TES: variants seen among roughly 807,000 people sequenced by gnomAD.
The protein encoded by TES is testin LIM domain protein.
In TES, 41 loss-of-function variants were observed where a neutral mutation model predicts 48.2. That is an observed-to-expected ratio of 0.85 (90% confidence interval 0.66 to 1.10). TES has a LOEUF of 1.10. Ranked by LOEUF, TES falls within the 50% of genes least tolerant of loss-of-function variation. The pLI is 0.00. For synonymous variants in TES, 162 were observed against 174.9 expected, an observed-to-expected ratio of 0.93 and a Z score of 0.58; for missense variants, 463 against 515.1, an observed-to-expected ratio of 0.90 and a Z score of 0.98.
chr7:116,244,253 C>T (rs1799891596), intron 2 of TES, among the ~76,000 whole-genome samples: 1 of 152,292 alleles, frequency 6.6e-6, no homozygotes, highest in South Asian at 2.1e-4. Context: ...AGTCCAAAGT[C>T]TCATCTGAGA....
At chr7:116,226,410 C>T (rs904627260) in intron 1 of TES, among the ~76,000 whole-genome samples, 2 of 152,062 alleles carry the variant, frequency 1.3e-5, no homozygotes, top group Admixed American at 1.3e-4. Flanking sequence ...GTAGAGACAA[C>T]GACTTTGGCA....
rs373635995 is a variant in TES at position 116,214,667 on chromosome 7, A to G, written c.27+3933A>G. Among the ~76,000 whole-genome samples the G allele has an allele frequency of 1.1e-4, 17 of 152,258 alleles. No homozygotes were observed. In the East Asian group the frequency reaches 2.3e-3, roughly 21 times the overall value. On this transcript the variant is annotated intron_variant, in intron 1 of 6. Coordinates refer to ENST00000358204, the MANE Select transcript of TES (RefSeq NM_015641.4). ...TGAATATTGGTTGGAGAAAAAAACTATAGTAGGTTTTCTATTGATTCTGTT... is the reference window on the plus strand; with the variant it reads ...TGAATATTGGTTGGAGAAAAAAACTGTAGTAGGTTTTCTATTGATTCTGTT...
Position 116,258,401 on chromosome 7 carries a change from C to G in TES, c.*919C>G, listed in dbSNP as rs1471651349. The G allele has an allele frequency of 6.6e-6, 1 of 152,560 alleles. No individual in the cohort carries two copies. The highest frequency in any genetic ancestry group is 1.5e-5 in the Non-Finnish European group (1 of 68,032). The allele number at this position is 152,560 out of a possible 1,614,324, so 9.5% of individuals were successfully genotyped here. On this transcript the variant is annotated 3_prime_UTR_variant, in exon 7 of 7. Coordinates refer to ENST00000358204, the MANE Select transcript of TES (RefSeq NM_015641.4). The stretch of plus-strand genomic sequence containing the variant: ...CTGGGATTACAGGTGTGGGAGCCAC[C>G]ATGCCTGACCCACACACTTTTTACT...
chr7:116,217,806 T>G (rs1278700922), intron 1 of TES: 2 of 518,378 alleles, frequency 3.9e-6, no homozygotes, highest in Non-Finnish European at 7.7e-6. Context: ...CCAACTACAA[T>G]CTTTGACTCT....
intron 1 of TES, among the ~76,000 whole-genome samples, chr7:116,221,126 T>C (rs1799552762): frequency 6.6e-6 from 1 of 152,208 alleles, no homozygotes; most frequent in South Asian, 2.1e-4. Context: ...CTGGATTTAA[T>C]ATATCCTTTT....
chr7:116,218,649 T>C (rs1237422678), intron 1 of TES, among the ~76,000 whole-genome samples: 1 of 152,056 alleles, frequency 6.6e-6, no homozygotes, highest in African/African-American at 2.4e-5. Flanking sequence ...AAACTCCATA[T>C]CTATCAGTAT....
chr7:116,254,597 G>A (rs910453625), intron 6 of TES, among the ~76,000 whole-genome samples: 24 of 151,964 alleles, frequency 1.6e-4, no homozygotes, highest in African/African-American at 4.8e-4. Context: ...TTAGCTGGGC[G>A]TGGTGGCAGG....
rs80292838 is a variant in TES, at chr7:116,223,416, T to C, written c.28-11118T>C. Among the ~76,000 whole-genome samples the C allele has an allele frequency of 9.9e-3, 1,511 of 152,344 alleles. 27 individuals carry two copies. The highest frequency in any genetic ancestry group is 0.035 in the African/African-American group (1,442 of 41,580). On this transcript the variant is annotated intron_variant, in intron 1 of 6. Coordinates refer to ENST00000358204, the MANE Select transcript of TES (RefSeq NM_015641.4). ...TGGAATTTAAAAGTTTATGTAAATC[T>C]TTTCCAATTTTTATTCTGTGTTCTT...
intron 1 of TES, among the ~76,000 whole-genome samples, chr7:116,219,771 G>T (rs1331349712): frequency 6.6e-6 from 1 of 152,076 alleles, no homozygotes; most frequent in Non-Finnish European, 1.5e-5. Flanking sequence ...TGAATGTAGG[G>T]GCTTGAGGAT....
At chr7:116,215,059 C>T (rs376954976) in intron 1 of TES, among the ~76,000 whole-genome samples, 15 of 152,292 alleles carry the variant, frequency 9.8e-5, no homozygotes, top group East Asian at 5.8e-4. Flanking sequence ...GTTACACTTA[C>T]GTGGTTATTT....
intron 2 of TES, among the ~76,000 whole-genome samples, chr7:116,246,088 A>G (rs1200299003): frequency 6.6e-6 from 1 of 152,150 alleles, no homozygotes; most frequent in African/African-American, 2.4e-5. Flanking sequence ...CAGCCAAACC[A>G]TATCACTGAG....
At chr7:116,241,871 C>A (rs1177650725) in intron 2 of TES, among the ~76,000 whole-genome samples, 1 of 152,088 alleles carries the variant, frequency 6.6e-6, no homozygotes, top group Non-Finnish European at 1.5e-5. Context: ...AGAGCTGGTT[C>A]TTCTATAATT....
chr7:116,228,210 A>AT (rs1253044640), intron 1 of TES, among the ~76,000 whole-genome samples: 2 of 152,136 alleles, frequency 1.3e-5, no homozygotes, highest in Non-Finnish European at 2.9e-5. Flanking sequence ...ATGTAAATTC[A>AT]GTTTATGGAG....
intron 1 of TES, among the ~76,000 whole-genome samples, chr7:116,230,405 G>C (rs1035952855): frequency 1.3e-5 from 2 of 152,200 alleles, no homozygotes; most frequent in African/African-American, 4.8e-5. Flanking sequence ...TTCCAGGCAG[G>C]TCCCAAGGGC....
At chr7:116,241,978 A>G (rs181178506) in intron 2 of TES, among the ~76,000 whole-genome samples, 3 of 152,362 alleles carry the variant, frequency 2.0e-5, no homozygotes, top group African/African-American at 4.8e-5. Context: ...TTCAGAAATC[A>G]TCAGGCTTTA....
intron 6 of TES, among the ~76,000 whole-genome samples, chr7:116,255,978 A>G (rs1298919278): frequency 1.3e-5 from 2 of 152,242 alleles, no homozygotes; most frequent in Non-Finnish European, 2.9e-5. Context: ...AAAAATATAT[A>G]CAAAAAGCAG....
chr7:116,253,653 C>T (rs1215106549), intron 6 of TES, among the ~76,000 whole-genome samples: 1 of 152,154 alleles, frequency 6.6e-6, no homozygotes, highest in Non-Finnish European at 1.5e-5. Context: ...CTAGTTTACA[C>T]ACTGTTGTCT....
chr7:116,210,796 C>A, intron 1 of TES, 62 bp downstream of exon 1: 1 of 1,223,684 alleles, frequency 8.2e-7, no homozygotes, highest in Non-Finnish European at 1.0e-6. Context: ...CGGCGCGCGG[C>A]GGCCGGAGGT....
In TES at chr7:116,252,342, C is replaced by T; in HGVS notation, c.943C>T (p.Gln315Ter). ...DELIFSNEYT[Q>*]AENQNWHLKH... ...GCTGATATTCAGCAATGAGTATACC[C>T]AGGCAGAAAACCAGAATTGGCACCT... is the stretch of plus-strand genomic sequence containing the variant. The change falls in exon 6 of 7, where the codon CAG becomes TAG. Residue 315 changes from glutamine (Q) to a stop codon, truncating the protein, a stop_gained. Coordinates refer to ENST00000358204, the MANE Select transcript of TES (RefSeq NM_015641.4). LOFTEE classifies it high-confidence loss of function. 1.2e-6 allele frequency: 2 copies of T among 1,613,372 alleles called. No individual in the cohort carries two copies. The highest frequency in any genetic ancestry group is 1.7e-6 in the Non-Finnish European group (2 of 1,179,380).
Sources: gnomAD v4.1 joint callset for allele counts (sites outside exome capture counted in the v4.1 genomes callset) on GRCh38, gnomAD v4.1.1 for gene constraint, MANE v1.5 for transcripts, NCBI Gene and HGNC (gene_info 2026-07-23, HGNC 2026-07-21) for gene names.